The following ASIC2 variants were observed in gnomAD, a reference collection of about 807,000 sequenced individuals.
The protein encoded by ASIC2 is acid sensing ion channel subunit 2, also known as acid-sensing ion channel 2.
In ASIC2, 25 loss-of-function variants were observed where a neutral mutation model predicts 57.3. That is an observed-to-expected ratio of 0.44 (90% CI 0.32 to 0.61). The LOEUF (loss-of-function observed/expected upper bound fraction) is 0.61. Ranked by LOEUF, ASIC2 falls within the 20% of genes least tolerant of loss-of-function variation. ASIC2 has a pLI of 0.06. For synonymous variants in ASIC2, 319 were observed against 307.5 expected, an observed-to-expected ratio of 1.04 and a Z score of -0.39; for missense variants, 641 against 738.1, an observed-to-expected ratio of 0.87 and a Z score of 1.52.
chr17:33,463,752 A>C (rs1199597259), intron 1 of ASIC2, among the ~76,000 whole-genome samples: 1 of 152,222 alleles, frequency 6.6e-6, no homozygotes, highest in Non-Finnish European at 1.5e-5. Flanking sequence ...CTCCCAGCCC[A>C]GTCGATCTCT....
chr17:33,062,749 G>A (rs1167106025), intron 3 of ASIC2, among the ~76,000 whole-genome samples: 4 of 152,138 alleles, frequency 2.6e-5, no homozygotes, highest in African/African-American at 4.8e-5. Flanking sequence ...TGTGTCTAAT[G>A]TGGACAGTGG....
chr17:33,916,615 A>T (rs1210637935), intron 1 of ASIC2, among the ~76,000 whole-genome samples: 1 of 152,202 alleles, frequency 6.6e-6, no homozygotes, highest in African/African-American at 2.4e-5. Flanking sequence ...CCTCTGAAAT[A>T]CCAAAATCAA....
chr17:33,538,167 A>T (rs545033827), intron 1 of ASIC2, among the ~76,000 whole-genome samples: 1 of 152,334 alleles, frequency 6.6e-6, no homozygotes, highest in Non-Finnish European at 1.5e-5. Context: ...CCTGTAAATG[A>T]TCACTCTTTT....
intron 1 of ASIC2, among the ~76,000 whole-genome samples, chr17:33,123,568 G>A (rs191844899): frequency 7.2e-4 from 110 of 152,140 alleles, no homozygotes; most frequent in South Asian, 2.5e-3. Flanking sequence ...CTGAATTTAC[G>A]GGAATACCTG....
intron 3 of ASIC2, among the ~76,000 whole-genome samples, chr17:33,033,295 A>G (rs893427917): frequency 1.3e-5 from 2 of 152,186 alleles, no homozygotes; most frequent in Admixed American, 1.3e-4. Flanking sequence ...GCAGCTGTGT[A>G]TCTGAGCCTC....
At chr17:33,439,985 C>A (rs1020006301) in intron 1 of ASIC2, among the ~76,000 whole-genome samples, 1 of 152,132 alleles carries the variant, frequency 6.6e-6, no homozygotes, top group African/African-American at 2.4e-5. Flanking sequence ...AGGCTTTAGG[C>A]TTCTTATTTT....
chr17:33,869,243 A>G (rs1445013274), intron 1 of ASIC2, among the ~76,000 whole-genome samples: 1 of 152,142 alleles, frequency 6.6e-6, no homozygotes, highest in Non-Finnish European at 1.5e-5. Context: ...GCTATAATTA[A>G]AAAAAAACAA....
intron 1 of ASIC2, among the ~76,000 whole-genome samples, chr17:33,332,803 A>G (rs764131019): frequency 2.0e-5 from 3 of 152,186 alleles, no homozygotes; most frequent in Non-Finnish European, 4.4e-5. Flanking sequence ...AGGCAGGAGA[A>G]TCACTTGAAC....
chr17:33,022,340 C>A (rs374170148), intron 6 of ASIC2, among the ~76,000 whole-genome samples: 14 of 152,294 alleles, frequency 9.2e-5, no homozygotes, highest in African/African-American at 3.4e-4. Context: ...TTCAAATGCT[C>A]GTTGGCCACA....
At chr17:33,509,635 G>A (rs567623453) in intron 1 of ASIC2, among the ~76,000 whole-genome samples, 1 of 152,370 alleles carries the variant, frequency 6.6e-6, no homozygotes, top group South Asian at 2.1e-4. Flanking sequence ...GAAGCAACCT[G>A]CCAGGCCGGC....
intron 3 of ASIC2, among the ~76,000 whole-genome samples, chr17:33,053,969 A>G (rs2091987914): frequency 6.6e-6 from 1 of 152,104 alleles, no homozygotes; most frequent in Non-Finnish European, 1.5e-5. Context: ...TTCAAACATA[A>G]TCCAGAATAA....
At chr17:33,939,311 G>A (rs1252825611) in intron 1 of ASIC2, among the ~76,000 whole-genome samples, 2 of 152,228 alleles carry the variant, frequency 1.3e-5, no homozygotes, top group East Asian at 1.9e-4. Context: ...GAGAGGTCAA[G>A]TAACATTCTC....
chr17:33,409,369 C>A (rs1311006462), intron 1 of ASIC2, among the ~76,000 whole-genome samples: 1 of 152,200 alleles, frequency 6.6e-6, no homozygotes, highest in Non-Finnish European at 1.5e-5. Context: ...GAGCCAGGTG[C>A]TCTATGTAGA....
intron 1 of ASIC2, among the ~76,000 whole-genome samples, chr17:33,865,118 A>C (rs2141926725): frequency 6.6e-6 from 1 of 152,272 alleles, no homozygotes; most frequent in East Asian, 1.9e-4. Flanking sequence ...AACTGAAGAG[A>C]TGAACAGGAA....
chr17:33,558,055 C>T (rs866380783), intron 1 of ASIC2, among the ~76,000 whole-genome samples: 3 of 151,922 alleles, frequency 2.0e-5, no homozygotes, highest in Non-Finnish European at 4.4e-5. Flanking sequence ...ACATTTGGGC[C>T]TTCTTGGTAT....
intron 1 of ASIC2, among the ~76,000 whole-genome samples, chr17:34,010,867 G>A (rs1012697130): frequency 1.3e-5 from 2 of 151,854 alleles, no homozygotes; most frequent in Non-Finnish European, 2.9e-5. Context: ...TCAATCCACT[G>A]CAACCCCTGC....
Position 34,095,842 on chromosome 17 carries a change from A to C in ASIC2, c.555+60136T>G, listed in dbSNP as rs546615607. Reference sequence around the variant, plus strand: ...GACAGAAAGTGAAGGGTTGGAGGAGAGAAAGGAAACTGATATTTTATAAAC... The same window carrying C: ...GACAGAAAGTGAAGGGTTGGAGGAGCGAAAGGAAACTGATATTTTATAAAC... On this transcript the variant is annotated intron_variant, in intron 1 of 9. Transcript: ENST00000359872. Among the ~76,000 whole-genome samples, 3 of 150,900 alleles carry C rather than the reference A, an allele frequency of 2.0e-5. No individual in the cohort carries two copies. The South Asian group carries it at 6.3e-4, about 32-fold the overall frequency.
Position 34,091,180 on chromosome 17 carries a change from T to C in ASIC2, c.555+64798A>G, listed in dbSNP as rs146705872. Among the ~76,000 whole-genome samples the C allele has an allele frequency of 1.7e-3, 263 of 152,358 alleles. 1 individual carries two copies. The highest frequency in any genetic ancestry group is 6.2e-3 in the African/African-American group (258 of 41,584). On this transcript the variant is annotated intron_variant, in intron 1 of 9. Transcript: ENST00000359872. ...ACTAATCATCCAGCCCTTGTCCACA[T>C]TGCCAATCTCAAAACAGACCTGAGA...
chr17:33,553,192 G>A (rs1479742917), intron 1 of ASIC2, among the ~76,000 whole-genome samples: 2 of 152,150 alleles, frequency 1.3e-5, no homozygotes, highest in Non-Finnish European at 2.9e-5. Flanking sequence ...TGAAGGGTAG[G>A]GGTCTTCTCT....
Sources: allele counts gnomAD v4.1 joint callset (sites outside exome capture counted in the v4.1 genomes callset), GRCh38; gene constraint gnomAD v4.1.1; transcripts MANE v1.5; gene names NCBI Gene and HGNC (gene_info 2026-07-23, HGNC 2026-07-21).